The following NDST3 variants were observed in gnomAD, a reference collection of about 807,000 sequenced individuals.
NDST3 encodes bifunctional heparan sulfate N-deacetylase/N-sulfotransferase 3.
A neutral mutation model predicts 96.1 loss-of-function variants in NDST3; 58 were observed. That is an observed-to-expected ratio of 0.60 (90% CI 0.49 to 0.75). NDST3 has a LOEUF of 0.75. Ranked by LOEUF, NDST3 falls within the 30% of genes least tolerant of loss-of-function variation. NDST3 has a pLI of 0.00. For missense variants in NDST3, 788 were observed against 1,034.2 expected (o/e 0.76, Z 3.27); for synonymous variants, 333 against 359.7 (o/e 0.93, Z 0.84).
intron 6 of NDST3, among the ~76,000 whole-genome samples, chr4:118,147,890 T>A (rs906301874): frequency 6.6e-6 from 1 of 152,170 alleles, no homozygotes; most frequent in Non-Finnish European, 1.5e-5. Context: ...AGACTCCAGG[T>A]ATTGAGTCAT....
intron 1 of NDST3, among the ~76,000 whole-genome samples, chr4:118,041,983 G>A (rs921946644): frequency 2.6e-5 from 4 of 152,180 alleles, no homozygotes; most frequent in Admixed American, 2.6e-4. Flanking sequence ...GAAGAATACA[G>A]TTGGTCAGCA....
At position 118,193,664 on chromosome 4, in the gene NDST3, T is replaced by G. The variant is rs1177974398; in HGVS notation, c.1540-30827T>G. 4 of 1,303,904 alleles carry G rather than the reference T, an allele frequency of 3.1e-6. No homozygotes were observed. In the Admixed American group the frequency reaches 6.8e-5, roughly 22 times the overall value. The allele number at this position is 1,303,904 out of a possible 1,614,324, so 80.8% of individuals were successfully genotyped here. ...CTGCAAGACCTTCTGGAAGTCAGCC[T>G]GTGCCAGTTCAAAGTCATTCACAGC... On this transcript the variant is annotated intron_variant, in intron 6 of 13. Transcript: ENST00000296499.
chr4:118,108,055 C>G (rs6848037), intron 3 of NDST3, among the ~76,000 whole-genome samples: 128,701 of 152,142 alleles, frequency 0.85, 56,237 homozygotes, highest in South Asian at 0.96. Flanking sequence ...AAGAGGGCTT[C>G]GTAACTTAAT....
At chr4:118,160,921 A>G (rs6835510) in intron 6 of NDST3, among the ~76,000 whole-genome samples, 122,575 of 150,868 alleles carry the variant, frequency 0.81, 52,089 homozygotes, top group South Asian at 0.95. Context: ...GAGGAACTGC[A>G]TTCCTTTGGA....
rs1293181568 is a variant in NDST3, at chr4:118,240,627, G to A, written c.2222G>A (p.Arg741Lys). ...APSELRALQK[R>K]CLVPGWYASH... is the part of the protein sequence containing the mutation. ...TCGGAGCTCAGAGCCTTGCAGAAGA[G>A]ATGTTTGGTCCCGGGGTGGTATGCC... Residue 741 changes from arginine to lysine, a missense_variant, in exon 11 of 14, where the codon AGA (arginine) becomes AAA (lysine). Physicochemically the swap from Arg to Lys is conservative, Grantham distance 26. Coordinates refer to ENST00000296499, the MANE Select transcript of NDST3 (RefSeq NM_004784.3). 1.2e-6 allele frequency: 2 copies of A among 1,613,818 alleles called. No individual in the cohort carries two copies. Among genetic ancestry groups the A allele is most frequent in the East Asian group, 4.5e-5 (2 of 44,878 alleles).
intron 4 of NDST3, among the ~76,000 whole-genome samples, chr4:118,119,525 C>T (rs1418665338): frequency 6.6e-6 from 1 of 152,072 alleles, no homozygotes; most frequent in Non-Finnish European, 1.5e-5. Context: ...AGCTGGTAGG[C>T]CACTTTAGAG....
At chr4:118,127,466 T>C (rs990062448) in intron 4 of NDST3, among the ~76,000 whole-genome samples, 10 of 152,114 alleles carry the variant, frequency 6.6e-5, no homozygotes, top group Non-Finnish European at 1.3e-4. Flanking sequence ...CTCCAATGTA[T>C]GTTCTTGGCA....
rs79342491 is a variant in NDST3 at position 118,183,750 on chromosome 4, G to A, written c.1539+40066G>A. ...ATAATTGCTATTGTCTTCTGGCCTC[G>A]GATGAAAACTCAGTCTAAAACATAT... is the stretch of plus-strand genomic sequence containing the variant. On this transcript the variant is annotated intron_variant, in intron 6 of 13. Coordinates refer to ENST00000296499, the MANE Select transcript of NDST3 (RefSeq NM_004784.3). Among the ~76,000 whole-genome samples the A allele has an allele frequency of 5.1e-3, 779 of 152,250 alleles. 7 individuals are homozygous for A. The highest frequency in any genetic ancestry group is 0.018 in the African/African-American group (737 of 41,548).
intron 6 of NDST3, among the ~76,000 whole-genome samples, chr4:118,146,134 A>G (rs1321396096): frequency 6.6e-6 from 1 of 152,238 alleles, no homozygotes; most frequent in Non-Finnish European, 1.5e-5. Context: ...CCAGTAATTT[A>G]GCAGATGACA....
intron 5 of NDST3, among the ~76,000 whole-genome samples, chr4:118,139,618 C>A (rs548017641): frequency 6.6e-5 from 10 of 152,254 alleles, no homozygotes; most frequent in Non-Finnish European, 1.2e-4. Flanking sequence ...GAGGAGTGAA[C>A]TTTAGATCAC....
chr4:118,105,762 A>C (rs1217453079), intron 3 of NDST3, among the ~76,000 whole-genome samples: 1 of 152,194 alleles, frequency 6.6e-6, no homozygotes, highest in Non-Finnish European at 1.5e-5. Flanking sequence ...AATGTTCATA[A>C]CTTCCTGTTA....
intron 2 of NDST3, among the ~76,000 whole-genome samples, chr4:118,083,265 AAAG>A (rs1175380549): frequency 5.3e-5 from 8 of 152,206 alleles, no homozygotes; most frequent in Non-Finnish European, 1.2e-4. Flanking sequence ...GTCTTCTTGC[AAAG>A]AATACCATAA....
intron 7 of NDST3, among the ~76,000 whole-genome samples, chr4:118,226,122 A>C (rs1560730086): frequency 6.6e-6 from 1 of 152,182 alleles, no homozygotes; most frequent in Non-Finnish European, 1.5e-5. Context: ...CTAGAAATAA[A>C]AAAGTGGTAC....
chr4:118,039,344 G>T (rs985413809), intron 1 of NDST3, among the ~76,000 whole-genome samples: 1 of 152,152 alleles, frequency 6.6e-6, no homozygotes, highest in Non-Finnish European at 1.5e-5. Context: ...ATAGAAGATG[G>T]TTTGACTTAA....
intron 2 of NDST3, among the ~76,000 whole-genome samples, chr4:118,090,113 T>C (rs1728745302): frequency 6.6e-6 from 1 of 151,964 alleles, no homozygotes; most frequent in South Asian, 2.1e-4. Context: ...CACGACATTG[T>C]CTTAAAGCAT....
chr4:118,061,572 T>C (rs1407473328), intron 2 of NDST3, among the ~76,000 whole-genome samples: 1 of 152,212 alleles, frequency 6.6e-6, no homozygotes, highest in African/African-American at 2.4e-5. Context: ...ACATACCATG[T>C]ATTTTACTAA....
intron 12 of NDST3, among the ~76,000 whole-genome samples, chr4:118,244,392 A>C (rs1230846025): frequency 6.6e-6 from 1 of 152,168 alleles, no homozygotes. Context: ...AATGCCATTT[A>C]TACCAGTTTG....
At chr4:118,219,418 C>T (rs572271171) in intron 6 of NDST3, among the ~76,000 whole-genome samples, 1 of 152,188 alleles carries the variant, frequency 6.6e-6, no homozygotes, top group African/African-American at 2.4e-5. Context: ...ATCAACACAA[C>T]TGACAAAAAC....
At chr4:118,255,526 G>T in intron 13 of NDST3, 67 bp from the exon 14 acceptor site, 1 of 1,449,514 alleles carries the variant, frequency 6.9e-7, no homozygotes, top group Non-Finnish European at 9.4e-7. Context: ...TTATTTCAAC[G>T]TAGTCAAAGT....
Sources: gnomAD v4.1 joint callset for allele counts (sites outside exome capture counted in the v4.1 genomes callset) on GRCh38, gnomAD v4.1.1 for gene constraint, MANE v1.5 for transcripts, NCBI Gene and HGNC (gene_info 2026-07-23, HGNC 2026-07-21) for gene names.